Variants in SEC24B observed in about 807,000 individuals in gnomAD.
The protein encoded by SEC24B is protein transport protein Sec24B.
SEC24B carries 45 observed loss-of-function variants against 142.8 expected under a neutral mutation model. The ratio of observed to expected loss-of-function variants is 0.32; its 90% confidence interval spans 0.25 to 0.40. SEC24B has a LOEUF of 0.40. Ranked by LOEUF, SEC24B falls within the 10% of genes least tolerant of loss-of-function variation. The pLI is 1.00. For synonymous variants in SEC24B, 574 were observed against 568.2 expected, an observed-to-expected ratio of 1.01 and a Z score of -0.15; for missense variants, 1,409 against 1,526.8, an observed-to-expected ratio of 0.92 and a Z score of 1.29.
chr4:109,536,146 A>G (rs1725510893), intron 22 of SEC24B, among the ~76,000 whole-genome samples: 1 of 152,188 alleles, frequency 6.6e-6, no homozygotes, highest in Admixed American at 6.5e-5. Context: ...ATAATAAGAA[A>G]ATGAAAAGGG....
intron 4 of SEC24B, among the ~76,000 whole-genome samples, chr4:109,483,367 C>T (rs566197988): frequency 7.3e-4 from 111 of 152,170 alleles, no homozygotes; most frequent in African/African-American, 2.3e-3. Context: ...GTGTGAGCCA[C>T]AGTGCCCGGC....
At chr4:109,498,540 A>G (rs1321854674) in intron 6 of SEC24B, among the ~76,000 whole-genome samples, 1 of 151,864 alleles carries the variant, frequency 6.6e-6, no homozygotes, top group East Asian at 1.9e-4. Context: ...AATTTTTTGT[A>G]TTTTTAGTAG....
chr4:109,489,560 C>T (rs1032888597), intron 4 of SEC24B, among the ~76,000 whole-genome samples: 3 of 142,824 alleles, frequency 2.1e-5, no homozygotes. Context: ...AGTCACTCCC[C>T]ATTTTCCCCT....
intron 2 of SEC24B, among the ~76,000 whole-genome samples, chr4:109,466,223 C>T (rs1731843635): frequency 6.6e-6 from 1 of 152,000 alleles, no homozygotes; most frequent in Admixed American, 6.6e-5. Context: ...TTAAAATATT[C>T]CTTGGAAACC....
At position 109,491,927 on chromosome 4, in the gene SEC24B, T is replaced by C. The variant is rs11932581; in HGVS notation, c.1246+520T>C. Among the ~76,000 whole-genome samples, 1,154 of 152,234 alleles carry C rather than the reference T, an allele frequency of 7.6e-3. 16 individuals are homozygous for C. Among genetic ancestry groups the C allele is most frequent in the African/African-American group, 0.025 (1,052 of 41,542 alleles). On this transcript the variant is annotated intron_variant, in intron 5 of 23. Coordinates refer to ENST00000265175, the MANE Select transcript of SEC24B (RefSeq NM_006323.5). ...ATTCAAGTACAGGAGTAGATAGTAT[T>C]GAAAGAAAAAACTATCATTTCATTT...
At chr4:109,498,955 A>G (rs571058317) in intron 6 of SEC24B, among the ~76,000 whole-genome samples, 2 of 152,354 alleles carry the variant, frequency 1.3e-5, no homozygotes, top group South Asian at 2.1e-4. Context: ...AAAAATTAGA[A>G]AAATATTTTC....
intron 6 of SEC24B, among the ~76,000 whole-genome samples, chr4:109,504,220 T>C (rs1265278067): frequency 6.6e-6 from 1 of 152,210 alleles, no homozygotes; most frequent in Non-Finnish European, 1.5e-5. Flanking sequence ...ATAACCACAA[T>C]ACTACTATCA....
chr4:109,473,424 T>C (rs901782436), intron 3 of SEC24B, among the ~76,000 whole-genome samples: 3 of 152,216 alleles, frequency 2.0e-5, no homozygotes, highest in African/African-American at 2.4e-5. Context: ...TAATTATTCA[T>C]TGTGTCAATG....
At chr4:109,519,501 G>A (rs1338846780) in intron 11 of SEC24B, among the ~76,000 whole-genome samples, 1 of 152,190 alleles carries the variant, frequency 6.6e-6, no homozygotes, top group Non-Finnish European at 1.5e-5. Flanking sequence ...TTTGATGCTG[G>A]AGCAGTTTCA....
chr4:109,535,425 G>A (rs534569149), intron 22 of SEC24B, among the ~76,000 whole-genome samples: 3 of 151,890 alleles, frequency 2.0e-5, no homozygotes, highest in East Asian at 3.9e-4. Context: ...GCATGGTGAC[G>A]GGTGCCAGTA....
At chr4:109,491,306 A>T (rs375740410) in intron 4 of SEC24B, 21 bp from the exon 5 acceptor site, 1 of 1,580,898 alleles carries the variant, frequency 6.3e-7, no homozygotes. Flanking sequence ...AACCTAGTAG[A>T]TATTTTGGTT....
chr4:109,447,243 AC>A (rs1268356872), intron 1 of SEC24B, among the ~76,000 whole-genome samples: 1 of 152,122 alleles, frequency 6.6e-6, no homozygotes, highest in East Asian at 1.9e-4. Context: ...TGTGTGTAGA[AC>A]AGTGATTCTC....
rs1446320647 is a variant in SEC24B, at chr4:109,526,290, C to T, written c.2856C>T (p.Ala952=). ...GTTCTACTGATTTGTTATCCCTTGC[C>T]AACATCAATCCTGATGCTGGATTTG... is the stretch of plus-strand genomic sequence containing the variant. ...FVRSTDLLSL[A]NINPDAGFAV... Residue 952 remains alanine, a synonymous_variant, in exon 17 of 24, where the codon GCC becomes GCT. Coordinates refer to ENST00000265175, the MANE Select transcript of SEC24B (RefSeq NM_006323.5). 1.2e-6 allele frequency: 2 copies of T among 1,613,996 alleles called. No homozygotes were observed. The highest frequency in any genetic ancestry group is 1.7e-6 in the Non-Finnish European group (2 of 1,179,952).
chr4:109,526,148 T>G (rs1724196738), intron 16 of SEC24B, 78 bp from the exon 17 acceptor site: 11 of 1,359,042 alleles, frequency 8.1e-6, no homozygotes, highest in Middle Eastern at 1.8e-4. Context: ...ATAAACATCT[T>G]TGACTTAAAA....
At position 109,518,759 on chromosome 4, in the gene SEC24B, A is replaced by AAT. The variant is rs199949771; in HGVS notation, c.2127-1606_2127-1605dup. 1.7e-3 allele frequency among the ~76,000 whole-genome samples: 262 copies of AAT among 151,232 alleles called. 1 individual carries two copies. The East Asian group carries it at 0.043, about 25-fold the overall frequency. On this transcript the variant is annotated intron_variant, in intron 11 of 23. Transcript: ENST00000265175. ...TGGCAACGGAAGACTGCTCTACAGA[A>AAT]ATGATTGGTTGGCTTGTTGTTGGTT...
intron 2 of SEC24B, among the ~76,000 whole-genome samples, chr4:109,467,964 TAAATA>T (rs1732131306): frequency 6.6e-6 from 1 of 152,206 alleles, no homozygotes; most frequent in Admixed American, 6.5e-5. Context: ...ATATAATTCT[TAAATA>T]AAAGTCCACT....
chr4:109,444,229 A>G (rs2125897129), intron 1 of SEC24B, among the ~76,000 whole-genome samples: 1 of 152,056 alleles, frequency 6.6e-6, no homozygotes, highest in East Asian at 1.9e-4. Context: ...AAAAAAAAAA[A>G]AAAGAATAGT....
intron 1 of SEC24B, among the ~76,000 whole-genome samples, chr4:109,459,552 G>T (rs1384180593): frequency 6.6e-6 from 1 of 152,090 alleles, no homozygotes; most frequent in African/African-American, 2.4e-5. Context: ...TATAAAGTAT[G>T]AAATAGTAAG....
intron 9 of SEC24B, among the ~76,000 whole-genome samples, chr4:109,512,971 C>CTTT (rs60804973): frequency 1.2e-4 from 12 of 103,626 alleles, no homozygotes; most frequent in South Asian, 3.1e-4. Flanking sequence ...TAAGCCTGAT[C>CTTT]TTTTTTTTTT....
Sources: allele counts gnomAD v4.1 joint callset (sites outside exome capture counted in the v4.1 genomes callset), GRCh38; gene constraint gnomAD v4.1.1; transcripts MANE v1.5; gene names NCBI Gene and HGNC (gene_info 2026-07-23, HGNC 2026-07-21).